DNAH8: variants seen among roughly 807,000 people sequenced by gnomAD.
The protein encoded by DNAH8 is axonemal beta dynein heavy chain 8.
DNAH8 carries 382 observed loss-of-function variants against 562.1 expected under a neutral mutation model. That is an observed-to-expected ratio of 0.68 (90% CI 0.63 to 0.74). The LOEUF (loss-of-function observed/expected upper bound fraction) is 0.74. DNAH8 is among the 30% of genes least tolerant of loss of function. The probability of loss-of-function intolerance (pLI) is 0.00; values close to 1 mark genes in which losing one functional copy is unlikely to be tolerated. For missense variants in DNAH8, 5,203 were observed against 5,620.4 expected (o/e 0.93, Z 2.37); for synonymous variants, 1,881 against 1,919.4 (o/e 0.98, Z 0.52).
chr6:38,950,587 C>T (rs1362734175), intron 81 of DNAH8, among the ~76,000 whole-genome samples: 4 of 151,854 alleles, frequency 2.6e-5, no homozygotes, highest in African/African-American at 9.7e-5. Context: ...CTACAGGCGC[C>T]TGCCACCACG....
chr6:38,889,477 A>G (rs1652800038), intron 57 of DNAH8, among the ~76,000 whole-genome samples: 2 of 152,216 alleles, frequency 1.3e-5, no homozygotes, highest in South Asian at 4.1e-4. Flanking sequence ...GCAAGGTTGT[A>G]GTTTTCAATC....
intron 88 of DNAH8, among the ~76,000 whole-genome samples, chr6:39,000,506 G>A (rs1280580358): frequency 6.6e-6 from 1 of 152,140 alleles, no homozygotes; most frequent in Non-Finnish European, 1.5e-5. Flanking sequence ...ATCAGTGGCG[G>A]CATTAGATTC....
intron 79 of DNAH8, among the ~76,000 whole-genome samples, chr6:38,943,880 G>A (rs991509759): frequency 6.6e-6 from 1 of 152,122 alleles, no homozygotes; most frequent in African/African-American, 2.4e-5. Context: ...AGCCAATCTG[G>A]TAGATTCTAT....
intron 23 of DNAH8, among the ~76,000 whole-genome samples, chr6:38,806,954 G>A (rs531522331): frequency 6.6e-6 from 1 of 152,212 alleles, no homozygotes; most frequent in Admixed American, 6.5e-5. Context: ...CAGAGGGGCC[G>A]GGTTCTAGAG....
At chr6:38,774,526 G>A (rs965447718) in intron 12 of DNAH8, among the ~76,000 whole-genome samples, 1 of 152,136 alleles carries the variant, frequency 6.6e-6, no homozygotes, top group African/African-American at 2.4e-5. Context: ...GGGGACAGAG[G>A]GTACACTGGC....
At chr6:38,730,088 A>C in intron 4 of DNAH8, 102 bp downstream of exon 4, 1 of 606,942 alleles carries the variant, frequency 1.6e-6, no homozygotes, top group Non-Finnish European at 2.9e-6. Context: ...TTTATAAAGA[A>C]AATGTTACCA....
At chr6:38,985,710 C>A (rs1173802917) in intron 87 of DNAH8, among the ~76,000 whole-genome samples, 1 of 152,186 alleles carries the variant, frequency 6.6e-6, no homozygotes, top group East Asian at 1.9e-4. Context: ...CAAAAATATT[C>A]ATGGCAACAT....
At chr6:38,986,585 A>T (rs989208927) in intron 87 of DNAH8, among the ~76,000 whole-genome samples, 1 of 152,228 alleles carries the variant, frequency 6.6e-6, no homozygotes, top group Non-Finnish European at 1.5e-5. Context: ...AAAAAAAAAG[A>T]TGTCTTAATA....
chr6:39,000,831 G>T (rs2150750680), intron 88 of DNAH8, among the ~76,000 whole-genome samples: 1 of 152,308 alleles, frequency 6.6e-6, no homozygotes, highest in Non-Finnish European at 1.5e-5. Context: ...CACAAAACCA[G>T]TCCCTGGTGC....
chr6:38,915,209 A>G lies in DNAH8; in HGVS notation c.9972A>G (p.Ala3324=). 1.9e-6 allele frequency: 3 copies of G among 1,599,970 alleles called. No individual in the cohort carries two copies. The highest frequency in any genetic ancestry group is 2.6e-6 in the Non-Finnish European group (3 of 1,175,476). Residue 3324 remains alanine (A), a synonymous_variant, in exon 68 of 93, where the codon GCA becomes GCG. Coordinates refer to ENST00000327475, the MANE Select transcript of DNAH8 (RefSeq NM_001206927.2). ...TTTCCTCAACTTAACAGGTATTAGC[A>G]GAAGTCACAGTAAGCGCTCAGGCTT... The part of the protein sequence containing the change: ...VASIKADEVL[A]EVTVSAQASA...
rs57351843 is a variant in DNAH8, at chr6:38,934,182, G to A, written c.11458-1410G>A. On this transcript the variant is annotated intron_variant, in intron 76 of 92. Coordinates refer to ENST00000327475, the MANE Select transcript of DNAH8 (RefSeq NM_001206927.2). ...AGCCTGGCCAACACGGTGAAACCCC[G>A]TCTCTACTAAAAATACAAAAATTAG... Among the ~76,000 whole-genome samples, 246 of 151,846 alleles carry A rather than the reference G, an allele frequency of 1.6e-3. 5 individuals carry two copies. In the East Asian group the frequency reaches 0.035, roughly 21 times the overall value.
rs1773071304 is a variant in DNAH8, at chr6:38,823,661, G to A, written c.3820G>A (p.Val1274Ile). 1.2e-6 allele frequency: 2 copies of A among 1,601,902 alleles called. No individual in the cohort carries two copies. Among genetic ancestry groups the A allele is most frequent in the Non-Finnish European group, 8.5e-7 (1 of 1,170,110 alleles). ...GATTGATGAGTTGAAGCCTATTATT[G>A]TTGTAGGAGCACTTGAATTACATAC... ...QEIDELKPII[V>I]VGALELHTEP... is the part of the protein sequence containing the mutation. Residue 1274 changes from valine to isoleucine, a missense_variant, in exon 28 of 93, where the codon GTT becomes ATT. By Grantham distance (29) the Val-to-Ile change is conservative. Coordinates refer to ENST00000327475, the MANE Select transcript of DNAH8 (RefSeq NM_001206927.2).
intron 17 of DNAH8, 115 bp from the exon 18 acceptor site, chr6:38,786,650 C>T: frequency 9.5e-7 from 1 of 1,054,926 alleles, no homozygotes; most frequent in Non-Finnish European, 1.4e-6. Context: ...GCATCCAAAA[C>T]ATTTCCTTTG....
intron 11 of DNAH8, among the ~76,000 whole-genome samples, chr6:38,767,075 C>T (rs1303283723): frequency 6.6e-6 from 1 of 152,152 alleles, no homozygotes; most frequent in Non-Finnish European, 1.5e-5. Flanking sequence ...TGTTTTGCAA[C>T]CATCACTGCT....
At chr6:38,761,418 A>G (rs1766503146) in intron 10 of DNAH8, among the ~76,000 whole-genome samples, 1 of 150,642 alleles carries the variant, frequency 6.6e-6, no homozygotes, top group Non-Finnish European at 1.5e-5. Context: ...CTGACAATGA[A>G]AATTCCAATT....
intron 9 of DNAH8, among the ~76,000 whole-genome samples, chr6:38,752,321 G>A (rs1268010498): frequency 2.0e-5 from 3 of 151,232 alleles, no homozygotes; most frequent in Non-Finnish European, 2.9e-5. Context: ...ATGCCACCAT[G>A]CCCGGCTAAT....
intron 36 of DNAH8, among the ~76,000 whole-genome samples, chr6:38,848,239 G>A (rs1738188): frequency 0.14 from 21,301 of 152,042 alleles, 3,244 homozygotes; most frequent in African/African-American, 0.37. Context: ...CCTAGATTCA[G>A]TAGTTCCACA....
At chr6:38,984,485 C>T in intron 87 of DNAH8, 178 bp downstream of exon 87, 1 of 568,330 alleles carries the variant, frequency 1.8e-6, no homozygotes, top group Non-Finnish European at 3.2e-6. Context: ...CACACACACA[C>T]ACACACACAC....
chr6:38,958,015 G>C (rs538221787), intron 82 of DNAH8, among the ~76,000 whole-genome samples: 2 of 149,786 alleles, frequency 1.3e-5, no homozygotes, highest in Admixed American at 6.6e-5. Flanking sequence ...GTTTTGTTTT[G>C]TTTTTTTTTA....
Sources: allele counts gnomAD v4.1 joint callset (sites outside exome capture counted in the v4.1 genomes callset), GRCh38; gene constraint gnomAD v4.1.1; transcripts MANE v1.5; gene names NCBI Gene and HGNC (gene_info 2026-07-23, HGNC 2026-07-21).